Variants in ANKS1B observed in about 807,000 individuals in gnomAD.
The protein encoded by ANKS1B is ankyrin repeat and sterile alpha motif domain-containing protein 1B.
Under a neutral mutation model 148.3 loss-of-function variants are expected in ANKS1B, and 36 were observed. That is an observed-to-expected ratio of 0.24 (90% CI 0.19 to 0.32). The LOEUF (loss-of-function observed/expected upper bound fraction) is 0.32, where lower values mean the gene tolerates loss of function less well. ANKS1B is among the 10% of genes least tolerant of loss of function. The pLI is 1.00. For synonymous variants in ANKS1B, 542 were observed against 560.8 expected (o/e 0.97, Z 0.47); for missense variants, 1,157 against 1,542.6 (o/e 0.75, Z 4.19).
intron 12 of ANKS1B, among the ~76,000 whole-genome samples, chr12:99,339,191 C>A (rs2089489077): frequency 6.6e-6 from 1 of 152,168 alleles, no homozygotes; most frequent in Non-Finnish European, 1.5e-5. Flanking sequence ...CTAGCCAGAA[C>A]TTGGGTTCCA....
intron 1 of ANKS1B, among the ~76,000 whole-genome samples, chr12:99,947,879 C>T (rs1362232767): frequency 6.6e-6 from 1 of 152,176 alleles, no homozygotes; most frequent in Non-Finnish European, 1.5e-5. Flanking sequence ...AGATGCTGTT[C>T]TCTGGCCCTG....
intron 17 of ANKS1B, among the ~76,000 whole-genome samples, chr12:98,962,213 T>G (rs550645103): frequency 6.7e-6 from 1 of 149,418 alleles, no homozygotes; most frequent in Admixed American, 6.6e-5. Context: ...AAGACACACA[T>G]AGACTGAAAA....
At chr12:99,194,720 T>C (rs2081179956) in intron 14 of ANKS1B, among the ~76,000 whole-genome samples, 1 of 152,194 alleles carries the variant, frequency 6.6e-6, no homozygotes, top group Non-Finnish European at 1.5e-5. Context: ...TATTGTTTGA[T>C]ATTCCATTAG....
chr12:99,449,411 G>A (rs75626532), intron 10 of ANKS1B, among the ~76,000 whole-genome samples: 1,863 of 151,986 alleles, frequency 0.012, 48 homozygotes, highest in African/African-American at 0.043. Flanking sequence ...TAAAAGCATC[G>A]AAACTTATAT....
rs150804359 is a variant in ANKS1B, at chr12:99,854,113, G to A, written c.135-28724C>T. On this transcript the variant is annotated intron_variant, in intron 1 of 26. Coordinates refer to ENST00000683438, the MANE Select transcript of ANKS1B (RefSeq NM_001352186.2). ...TGCAAGCTCCGCCTCCTGGGTTCAC[G>A]CCATTCTCCTGCCTCAGCCTCCCGA... Among the ~76,000 whole-genome samples, 1,189 of 152,280 alleles carry A rather than the reference G, an allele frequency of 7.8e-3. 13 individuals carry two copies. The highest frequency in any genetic ancestry group is 0.027 in the African/African-American group (1,121 of 41,548).
chr12:99,648,785 C>T, intron 9 of ANKS1B: 1 of 1,609,160 alleles, frequency 6.2e-7, no homozygotes, highest in South Asian at 1.1e-5. Flanking sequence ...CAGAGGAGCC[C>T]AGTGGTGAGT....
chr12:99,867,941 C>G (rs569452523), intron 1 of ANKS1B, among the ~76,000 whole-genome samples: 60 of 152,182 alleles, frequency 3.9e-4, no homozygotes, highest in African/African-American at 1.3e-3. Context: ...AAATCAAATC[C>G]TGCGATATAT....
At chr12:99,506,859 A>G (rs2096716945) in intron 9 of ANKS1B, among the ~76,000 whole-genome samples, 1 of 152,044 alleles carries the variant, frequency 6.6e-6, no homozygotes, top group South Asian at 2.1e-4. Flanking sequence ...ATTACTGAAA[A>G]TCTTCCAGCA....
At chr12:99,054,149 C>T (rs1251858444) in intron 16 of ANKS1B, among the ~76,000 whole-genome samples, 1 of 152,166 alleles carries the variant, frequency 6.6e-6, no homozygotes. Flanking sequence ...ACTTCTAAAA[C>T]TTGGGCTGCT....
rs185630480 is a variant in ANKS1B, at chr12:99,802,409, C to G, written c.669+3995G>C. ...TAACTTCAAGAGAAAACTGCCCATT[C>G]AACCCTACTTTCTTAATATCTTACT... On this transcript the variant is annotated intron_variant, in intron 4 of 26. Transcript: ENST00000683438. 2.4e-4 allele frequency among the ~76,000 whole-genome samples: 36 copies of G among 152,192 alleles called. 1 individual carries two copies. Among genetic ancestry groups the G allele is most frequent in the African/African-American group, 8.7e-4 (36 of 41,520 alleles).
At chr12:98,916,164 T>C (rs748037657) in intron 17 of ANKS1B, among the ~76,000 whole-genome samples, 3 of 152,212 alleles carry the variant, frequency 2.0e-5, no homozygotes, top group Non-Finnish European at 2.9e-5. Context: ...AAAGTTATAG[T>C]CATAATATAT....
Position 99,812,138 on chromosome 12 carries a change from A to C in ANKS1B, c.372+17T>G, listed in dbSNP as rs762443236. On this transcript the variant is annotated intron_variant, in intron 3 of 26. Transcript: ENST00000683438. ...ACTAGAAAAATTACATCATGAGCAA[A>C]CATTTGGCAAGTGCACCTGTTCATT... The C allele has an allele frequency of 2.5e-6, 4 of 1,595,486 alleles. No homozygotes were observed. In the Admixed American group the frequency reaches 6.9e-5, roughly 27 times the overall value.
intron 8 of ANKS1B, among the ~76,000 whole-genome samples, chr12:99,759,379 T>A (rs2061868240): frequency 6.6e-6 from 1 of 151,990 alleles, no homozygotes; most frequent in African/African-American, 2.4e-5. Context: ...ATTCTTCAGC[T>A]GTTAGAGGCT....
At chr12:99,819,917 G>C (rs1459902249) in intron 2 of ANKS1B, among the ~76,000 whole-genome samples, 1 of 151,726 alleles carries the variant, frequency 6.6e-6, no homozygotes. Flanking sequence ...GGGAGGCAGG[G>C]AAGGAAGGTA....
chr12:99,244,445 T>G, intron 13 of ANKS1B, 31 bp from the exon 14 acceptor site: 1 of 1,402,514 alleles, frequency 7.1e-7, no homozygotes, highest in Non-Finnish European at 9.9e-7. Context: ...TTAAATGGAT[T>G]GTTACATTCA....
chr12:98,844,420 A>G (rs1387095986), intron 17 of ANKS1B, among the ~76,000 whole-genome samples: 1 of 152,218 alleles, frequency 6.6e-6, no homozygotes, highest in African/African-American at 2.4e-5. Flanking sequence ...GAAGGAGCTC[A>G]GCAGCCAGCC....
At chr12:99,587,049 G>T (rs1161156120) in intron 9 of ANKS1B, among the ~76,000 whole-genome samples, 1 of 152,062 alleles carries the variant, frequency 6.6e-6, no homozygotes, top group Non-Finnish European at 1.5e-5. Flanking sequence ...TCTATTATTG[G>T]TAATAATTAG....
At position 98,939,797 on chromosome 12, in the gene ANKS1B, G is replaced by T. The variant is rs117149148; in HGVS notation, c.2779-107661C>A. Reference sequence around the variant, plus strand: ...GGCTTCAAAGATTCCCAGGCAAAGTGGACACCTGGACCTGTAAAAGGAACG... The same window carrying T: ...GGCTTCAAAGATTCCCAGGCAAAGTTGACACCTGGACCTGTAAAAGGAACG... On this transcript the variant is annotated intron_variant, in intron 17 of 26. Transcript: ENST00000683438. Among the ~76,000 whole-genome samples, 873 of 152,264 alleles carry T rather than the reference G, an allele frequency of 5.7e-3. 5 individuals are homozygous for T. The highest frequency in any genetic ancestry group is 7.4e-3 in the Non-Finnish European group (503 of 68,028).
chr12:99,270,841 ATATTT>A (rs2076961373), intron 12 of ANKS1B, among the ~76,000 whole-genome samples: 1 of 152,242 alleles, frequency 6.6e-6, no homozygotes, highest in South Asian at 2.1e-4. Flanking sequence ...TCAAAAAAGA[ATATTT>A]TAATTTAATA....
Sources: gnomAD v4.1 joint callset for allele counts (sites outside exome capture counted in the v4.1 genomes callset) on GRCh38, gnomAD v4.1.1 for gene constraint, MANE v1.5 for transcripts, NCBI Gene and HGNC (gene_info 2026-07-23, HGNC 2026-07-21) for gene names.